Variants in PKD1L3 observed in about 807,000 individuals in gnomAD.
The protein encoded by PKD1L3 is polycystin 1 like 3, transient receptor potential channel interacting.
In PKD1L3, 239 loss-of-function variants were observed where a neutral mutation model predicts 184.1. The ratio of observed to expected loss-of-function variants is 1.30; its 90% CI spans 1.17 to 1.45. The LOEUF is 1.45. Among genes scored for constraint, PKD1L3 ranks in the 40% most tolerant of loss-of-function variants. The probability of loss-of-function intolerance (pLI) is 0.00; values close to 1 mark genes in which losing one functional copy is unlikely to be tolerated. For missense variants in PKD1L3, 2,660 were observed against 2,067.2 expected (o/e 1.29, Z -5.56); for synonymous variants, 996 against 778.8 (o/e 1.28, Z -4.64).
chr16:71,978,340 C>T lies in PKD1L3; in HGVS notation c.1442G>A (p.Arg481Lys). Residue 481 changes from arginine (R) to lysine (K), a missense_variant, in exon 10 of 30, where the codon AGA becomes AAA. Coordinates refer to ENST00000620267, the MANE Select transcript of PKD1L3 (RefSeq NM_181536.2). ...AFNPFKDLDN[R>K]NIVGSIGSVL... ...ACTTCCAATGCTTCCAACAATGTTT[C>T]TGTTGTCCAAATCCTTGAAGGGATT... is the stretch of plus-strand genomic sequence containing the variant. The T allele has an allele frequency of 4.5e-6, 7 of 1,550,670 alleles. No individual in the cohort carries two copies. Among genetic ancestry groups the T allele is most frequent in the Admixed American group, 2.0e-5 (1 of 50,944 alleles).
intron 11 of PKD1L3, among the ~76,000 whole-genome samples, chr16:71,976,964 C>G (rs1409969623): frequency 6.6e-6 from 1 of 152,100 alleles, no homozygotes; most frequent in Non-Finnish European, 1.5e-5. Flanking sequence ...AGGATGGTCT[C>G]GATCTCCTGA....
intron 22 of PKD1L3, among the ~76,000 whole-genome samples, chr16:71,946,839 A>G (rs112585405): frequency 4.6e-3 from 1 of 218 alleles, no homozygotes; most frequent in East Asian, 0.5. Flanking sequence ...GAAGGGGATG[A>G]GGGAGAGAAG....
rs192085310 is a variant in PKD1L3 at position 71,989,396 on chromosome 16, G to A, written c.585+884C>T. Among the ~76,000 whole-genome samples, 317 of 152,224 alleles carry A rather than the reference G, an allele frequency of 2.1e-3. 2 individuals are homozygous for A. Among genetic ancestry groups the A allele is most frequent in the African/African-American group, 6.8e-3 (283 of 41,538 alleles). On this transcript the variant is annotated intron_variant, in intron 4 of 29. Transcript: ENST00000620267. The stretch of plus-strand genomic sequence containing the variant: ...TCGAACTCCCGACCTCAGGTGATCC[G>A]CCCGCCTCGGCCTCCCAAAGGGCTG...
intron 2 of PKD1L3, among the ~76,000 whole-genome samples, chr16:71,995,032 T>C (rs9933095): frequency 0.055 from 8,296 of 152,216 alleles, 784 homozygotes; most frequent in African/African-American, 0.19. Flanking sequence ...ATAATTGCTT[T>C]AGTCTGTTTT....
At chr16:71,989,162 G>C (rs1033116476) in intron 4 of PKD1L3, among the ~76,000 whole-genome samples, 1 of 152,058 alleles carries the variant, frequency 6.6e-6, no homozygotes, top group Non-Finnish European at 1.5e-5. Flanking sequence ...TTTTTGTTTT[G>C]TTTTGTTTTT....
At chr16:71,934,306 CCA>C (rs1209057788) in intron 26 of PKD1L3, among the ~76,000 whole-genome samples, 181 bp from the exon 27 acceptor site, 3 of 152,212 alleles carry the variant, frequency 2.0e-5, no homozygotes, top group African/African-American at 7.2e-5. Context: ...TAACAGAAGG[CCA>C]CATACTATTC....
intron 7 of PKD1L3, 50 bp from the exon 8 acceptor site, chr16:71,980,184 TG>T: frequency 1.3e-6 from 2 of 1,527,994 alleles, no homozygotes; most frequent in Non-Finnish European, 1.8e-6. Context: ...CAGTGTCTTA[TG>T]TTAGTAAAAT....
chr16:71,951,870 T>C, intron 18 of PKD1L3, 126 bp from the exon 19 acceptor site: 1 of 807,022 alleles, frequency 1.2e-6, no homozygotes, highest in African/African-American at 1.7e-5. Context: ...AGAACCTCAA[T>C]TTTTCATGTT....
In PKD1L3 at chr16:71,951,755, G is replaced by C; in HGVS notation, c.3010-11C>G. ...AGTTTCCTTTAATTCCTGAATGTAG[G>C]ACCAGATGAGAAAAATCAGCCTGTT... On this transcript the variant is annotated splice_polypyrimidine_tract_variant and intron_variant, in intron 18 of 29. Coordinates refer to ENST00000620267, the MANE Select transcript of PKD1L3 (RefSeq NM_181536.2). The C allele has an allele frequency of 1.3e-6, 2 of 1,541,090 alleles. No homozygotes were observed. Among genetic ancestry groups the C allele is most frequent in the Non-Finnish European group, 1.8e-6 (2 of 1,141,550 alleles).
intron 12 of PKD1L3, among the ~76,000 whole-genome samples, chr16:71,971,709 C>G (rs1053071562): frequency 6.6e-6 from 1 of 152,196 alleles, no homozygotes; most frequent in Non-Finnish European, 1.5e-5. Flanking sequence ...GCTTCAGAAT[C>G]TACATTTTAA....
At chr16:71,929,982 C>A in intron 29 of PKD1L3, 70 bp downstream of exon 29, 1 of 1,449,504 alleles carries the variant, frequency 6.9e-7, no homozygotes, top group Non-Finnish European at 9.3e-7. Flanking sequence ...AGCCCGTCAT[C>A]TTAGGGGCAG....
At chr16:71,947,920 C>CTTTT (rs545301438) in intron 21 of PKD1L3, among the ~76,000 whole-genome samples, 1 of 143,826 alleles carries the variant, frequency 7.0e-6, no homozygotes, top group Non-Finnish European at 1.5e-5. Context: ...GATCCAGACT[C>CTTTT]TTTTTTTTTT....
At chr16:71,955,714 G>A (rs2039019556) in intron 16 of PKD1L3, among the ~76,000 whole-genome samples, 1 of 152,044 alleles carries the variant, frequency 6.6e-6, no homozygotes, top group Admixed American at 6.6e-5. Flanking sequence ...TCTGTCATGG[G>A]AGGAACCAGG....
chr16:71,949,854 G>C lies in PKD1L3; in HGVS notation c.3547C>G (p.Gln1183Glu), dbSNP rs1597304153. ...ATTGAAATCATCCAGCTGGTGGCTT[G>C]GTCTTTGCTCAATTCCAAGCTATAA... ...ALYSLELSKDQATSWMISIIL... is the reference protein window; with the variant it reads ...ALYSLELSKDEATSWMISIIL... The change falls in exon 21 of 30, where the codon CAA becomes GAA. Residue 1183 changes from glutamine to glutamate, a missense_variant. By Grantham distance (29) the Gln-to-Glu change is conservative. Coordinates refer to ENST00000620267, the MANE Select transcript of PKD1L3 (RefSeq NM_181536.2). The C allele has an allele frequency of 6.4e-7, 1 of 1,551,576 alleles. No individual in the cohort carries two copies. The highest frequency in any genetic ancestry group is 2.4e-5 in the East Asian group (1 of 40,922).
rs200642243 is a variant in PKD1L3, at chr16:71,952,996, C to T, written c.2907G>A (p.Pro969=). Residue 969 remains proline, a synonymous_variant, in exon 18 of 30, where the codon CCG becomes CCA. Transcript: ENST00000620267. The stretch of plus-strand genomic sequence containing the variant: ...GCAGAGTCTCCTGTGGCTCAATCAA[C>T]GGGAAGAGCCGCCCTATGACAAGAT... ...PINLVIGRLF[P]LIEPQETLPL... is the part of the protein sequence containing the mutation. 7.7e-4 allele frequency: 1,187 copies of T among 1,548,850 alleles called. 5 individuals are homozygous for T. Among genetic ancestry groups the T allele is most frequent in the Middle Eastern group, 2.2e-3 (13 of 5,986 alleles).
At chr16:71,968,450 C>T (rs1285593674) in intron 13 of PKD1L3, among the ~76,000 whole-genome samples, 1 of 152,154 alleles carries the variant, frequency 6.6e-6, no homozygotes, top group South Asian at 2.1e-4. Flanking sequence ...CAACCCTACA[C>T]CCAGGGCAAC....
intron 21 of PKD1L3, among the ~76,000 whole-genome samples, 197 bp from the exon 22 acceptor site, chr16:71,947,788 T>G (rs2038676243): frequency 6.6e-6 from 1 of 152,268 alleles, no homozygotes; most frequent in Non-Finnish European, 1.5e-5. Flanking sequence ...TAAATAATGC[T>G]AATATTCATA....
chr16:71,995,908 G>C (rs1287844082), intron 2 of PKD1L3, among the ~76,000 whole-genome samples: 2 of 152,196 alleles, frequency 1.3e-5, no homozygotes, highest in Non-Finnish European at 2.9e-5. Context: ...CCAACGGAAA[G>C]TGTTGTTAAG....
Position 72,000,040 on chromosome 16 carries a change from T to C in PKD1L3, c.-62A>G, listed in dbSNP as rs1236861054. ...TAGCAGCTGCCTGGTCCTTTAAATA[T>C]ATATATTGGCGGGCTTGTCTTATTA... On this transcript the variant is annotated 5_prime_UTR_variant, in exon 1 of 30. It adds an upstream start codon to the 5' untranslated region. Transcript: ENST00000620267. 4.7e-6 allele frequency: 6 copies of C among 1,280,296 alleles called. No individual in the cohort carries two copies. The highest frequency in any genetic ancestry group is 2.6e-5 in the East Asian group (1 of 38,374). The allele number at this position is 1,280,296 out of a possible 1,614,324, so 79.3% of individuals were successfully genotyped here. A position where few individuals can be genotyped will look rare whatever the true frequency, so the allele number is the denominator to read the frequency against.
Sources: allele counts gnomAD v4.1 joint callset (sites outside exome capture counted in the v4.1 genomes callset), GRCh38; gene constraint gnomAD v4.1.1; transcripts MANE v1.5; gene names NCBI Gene and HGNC (gene_info 2026-07-23, HGNC 2026-07-21).